The following GPLD1 variants were observed in gnomAD, a reference collection of about 807,000 sequenced individuals.
GPLD1 encodes the protein phosphatidylinositol-glycan-specific phospholipase D.
A neutral mutation model predicts 112.6 loss-of-function variants in GPLD1; 84 were observed. The observed-to-expected ratio is 0.75, with a 90% CI of 0.63 to 0.89. The LOEUF is 0.89. Ranked by LOEUF, GPLD1 falls within the 40% of genes least tolerant of loss-of-function variation. GPLD1 has a pLI of 0.00. For missense variants in GPLD1, 1,044 were observed against 1,051.5 expected (o/e 0.99, Z 0.10); for synonymous variants, 386 against 403.8 (o/e 0.96, Z 0.53).
rs374576707 is a variant in GPLD1 at position 24,449,857 on chromosome 6, T to C, written c.1378A>G (p.Asn460Asp). ...GCCAGGTCAGGCACGCCGTCCACGT[T>C]AAAGTCCAACACAGCCAAGGCCGAG... ...FGSALAVLDF[N>D]VDGVPDLAVG... is the part of the protein sequence containing the mutation. Residue 460 changes from asparagine (N) to aspartate (D), a missense_variant, in exon 15 of 25, where the codon AAC becomes GAC. Coordinates refer to ENST00000230036, the MANE Select transcript of GPLD1 (RefSeq NM_001503.4). The C allele has an allele frequency of 2.5e-6, 4 of 1,613,744 alleles. No individual in the cohort carries two copies. Among genetic ancestry groups the C allele is most frequent in the Non-Finnish European group, 2.5e-6 (3 of 1,179,920 alleles).
At chr6:24,446,776 C>G in intron 18 of GPLD1, 62 bp downstream of exon 18, 4 of 1,548,732 alleles carry the variant, frequency 2.6e-6, no homozygotes, top group Non-Finnish European at 2.6e-6. Context: ...GCTCAGTGCG[C>G]TCCATAGCAG....
chr6:24,490,335 T>A (rs1394707949), upstream of GPLD1, among the ~76,000 whole-genome samples: 1 of 152,218 alleles, frequency 6.6e-6, no homozygotes, highest in African/African-American at 2.4e-5. Context: ...TTCATGAAAC[T>A]GATGGTAATC....
At chr6:24,495,239 G>A, upstream of GPLD1, 1 of 1,524,080 alleles carries the variant, frequency 6.6e-7, no homozygotes, top group African/African-American at 1.4e-5. Context: ...TGCAAGACCC[G>A]GCCAGCGGCG....
upstream of GPLD1, among the ~76,000 whole-genome samples, chr6:24,493,972 G>A (rs147920989): frequency 9.2e-5 from 14 of 152,294 alleles, no homozygotes; most frequent in East Asian, 2.5e-3. Context: ...TCCTCATTAG[G>A]TTTTAAGCTT....
At chr6:24,441,549 C>T (rs1762746816) in intron 20 of GPLD1, among the ~76,000 whole-genome samples, 1 of 152,142 alleles carries the variant, frequency 6.6e-6, no homozygotes, top group Non-Finnish European at 1.5e-5. Flanking sequence ...TGCAAAGCTG[C>T]ATATTCAGGG....
Position 24,453,861 on chromosome 6 carries a change from C to T in GPLD1, c.1335+154G>A, listed in dbSNP as rs150151303. Among the ~76,000 whole-genome samples the T allele has an allele frequency of 7.1e-3, 1,087 of 152,180 alleles. 17 individuals are homozygous for T. Among genetic ancestry groups the T allele is most frequent in the African/African-American group, 0.024 (982 of 41,508 alleles). ...GAATAAAATAAATGATGTAAACATGCTTCTAAAACTAAAAAGTGCTTCACA... is the reference window on the plus strand; with the variant it reads ...GAATAAAATAAATGATGTAAACATGTTTCTAAAACTAAAAAGTGCTTCACA... On this transcript the variant is annotated intron_variant, in intron 14 of 24. Transcript: ENST00000230036.
rs1654121815 is a variant in GPLD1, at chr6:24,461,371, TACA to T, written c.888-975_888-973del. On this transcript the variant is annotated intron_variant, in intron 11 of 24. Coordinates refer to ENST00000230036, the MANE Select transcript of GPLD1 (RefSeq NM_001503.4). ...AAAAAAAAAAGTTACCCAATTCAAATACAACAATGACGACTTCACTGAACACTT... is the reference window on the plus strand; with the variant it reads ...AAAAAAAAAAGTTACCCAATTCAAATACAATGACGACTTCACTGAACACTT... 2.0e-5 allele frequency among the ~76,000 whole-genome samples: 3 copies of T among 152,138 alleles called. No homozygotes were observed. The South Asian group carries it at 6.2e-4, about 32-fold the overall frequency.
intron 4 of GPLD1, among the ~76,000 whole-genome samples, 184 bp downstream of exon 4, chr6:24,475,997 C>A (rs2817203): frequency 0.04 from 6,021 of 152,200 alleles, 182 homozygotes; most frequent in South Asian, 0.094. Context: ...GTATCCCAAA[C>A]CGTGTTTATA....
At position 24,428,993 on chromosome 6, in the gene GPLD1, T is replaced by C; in HGVS notation, c.*39A>G. 7.3e-7 allele frequency: 1 copy of C among 1,362,708 alleles called. No homozygotes were observed. 84.4% of individuals were successfully genotyped at this position (1,362,708 alleles called of 1,614,324 possible). A position where few individuals can be genotyped will look rare whatever the true frequency, so the allele number is the denominator to read the frequency against. ...TGCTCACCATGGATGTGATTCAGCA[T>C]GAGAGAGGTGGGCAGAGTGGGGAAA... On this transcript the variant is annotated 3_prime_UTR_variant, in exon 25 of 25. Coordinates refer to ENST00000230036, the MANE Select transcript of GPLD1 (RefSeq NM_001503.4).
chr6:24,470,362 C>T (rs145799891), intron 7 of GPLD1, among the ~76,000 whole-genome samples: 2,490 of 152,268 alleles, frequency 0.016, 31 homozygotes, highest in Middle Eastern at 0.041. Flanking sequence ...GCTCAATTCA[C>T]AAGGTATCCT....
intron 13 of GPLD1, among the ~76,000 whole-genome samples, chr6:24,454,675 C>T (rs1289096550): frequency 6.6e-6 from 1 of 152,192 alleles, no homozygotes; most frequent in Non-Finnish European, 1.5e-5. Context: ...GGCAGTGGGC[C>T]AAATCAAGAG....
intron 20 of GPLD1, among the ~76,000 whole-genome samples, chr6:24,440,136 A>T (rs1762699444): frequency 6.6e-6 from 1 of 152,188 alleles, no homozygotes; most frequent in African/African-American, 2.4e-5. Flanking sequence ...TCATCTTGTA[A>T]TGTGGTTCAT....
At chr6:24,492,262 T>C (rs1000684240), upstream of GPLD1, among the ~76,000 whole-genome samples, 6 of 152,038 alleles carry the variant, frequency 3.9e-5, no homozygotes, top group Non-Finnish European at 8.8e-5. Context: ...CCCAGCACTT[T>C]GGGAGGCCGA....
intron 10 of GPLD1, among the ~76,000 whole-genome samples, chr6:24,463,146 C>T (rs1763491678): frequency 6.6e-6 from 1 of 152,068 alleles, no homozygotes; most frequent in Admixed American, 6.6e-5. Flanking sequence ...CCCAATTATA[C>T]ACATTTATGC....
At chr6:24,451,331 T>G (rs1250998081) in intron 14 of GPLD1, among the ~76,000 whole-genome samples, 1 of 133,278 alleles carries the variant, frequency 7.5e-6, no homozygotes, top group Non-Finnish European at 1.8e-5. Context: ...CAATTCTTTC[T>G]CTTTTTTTTG....
chr6:24,467,313 T>C (rs529167103), intron 7 of GPLD1, 39 bp from the exon 8 acceptor site: 3 of 1,104,950 alleles, frequency 2.7e-6, no homozygotes, highest in Non-Finnish European at 4.2e-6. Context: ...GTTTTGATTC[T>C]GAAGCTGAAA....
intron 7 of GPLD1, among the ~76,000 whole-genome samples, chr6:24,472,141 A>G (rs1268048345): frequency 1.3e-5 from 2 of 152,218 alleles, no homozygotes; most frequent in African/African-American, 4.8e-5. Flanking sequence ...AAAACTGGAA[A>G]AAGTTTTCAC....
intron 2 of GPLD1, among the ~76,000 whole-genome samples, chr6:24,485,168 CA>C (rs1314787829): frequency 6.6e-6 from 1 of 152,126 alleles, no homozygotes; most frequent in Non-Finnish European, 1.5e-5. Context: ...CCTGGTGATG[CA>C]ATTTGTGCTC....
intron 3 of GPLD1, among the ~76,000 whole-genome samples, chr6:24,479,301 C>T (rs1217146238): frequency 2.6e-5 from 4 of 152,216 alleles, no homozygotes; most frequent in East Asian, 1.9e-4. Context: ...TGACCGAAAT[C>T]GGCCAGAAGC....
Sources: allele counts gnomAD v4.1 joint callset (sites outside exome capture counted in the v4.1 genomes callset), GRCh38; gene constraint gnomAD v4.1.1; transcripts MANE v1.5; gene names NCBI Gene and HGNC (gene_info 2026-07-23, HGNC 2026-07-21).